WNT9B: variants seen among roughly 807,000 people sequenced by gnomAD.
WNT9B encodes the protein protein Wnt-9b.
In WNT9B, 12 loss-of-function variants were observed where a neutral mutation model predicts 30.2. The observed-to-expected ratio is 0.40, with a 90% CI of 0.26 to 0.64. The LOEUF (loss-of-function observed/expected upper bound fraction) is 0.64. Ranked by LOEUF, WNT9B falls within the 30% of genes least tolerant of loss-of-function variation. The pLI, the probability that WNT9B is intolerant of heterozygous loss-of-function variation, is 0.42. For missense variants in WNT9B, 442 were observed against 485.2 expected (o/e 0.91, Z 0.84); for synonymous variants, 218 against 216.9 (o/e 1.01, Z -0.05).
intron 3 of WNT9B, 82 bp downstream of exon 3, chr17:46,875,448 C>T: frequency 2.7e-6 from 4 of 1,456,294 alleles, no homozygotes; most frequent in Non-Finnish European, 3.6e-6. Context: ...GGCCAGCACC[C>T]CACTCCCCAA....
intron 1 of WNT9B, among the ~76,000 whole-genome samples, chr17:46,853,978 A>G (rs941539793): frequency 1.3e-5 from 2 of 151,734 alleles, no homozygotes; most frequent in African/African-American, 2.4e-5. Flanking sequence ...ATGACATGTG[A>G]GATGGTCAAA....
At chr17:46,845,194 G>A (rs986714927) in intron 1 of WNT9B, among the ~76,000 whole-genome samples, 1 of 152,144 alleles carries the variant, frequency 6.6e-6, no homozygotes, top group Non-Finnish European at 1.5e-5. Context: ...TGTCCTGTGT[G>A]GAATGCCTTT....
In WNT9B at chr17:46,851,616, G is replaced by A; in HGVS notation, c.-23G>A. The A allele has an allele frequency of 8.0e-7, 1 of 1,242,732 alleles. No homozygotes were observed. 77.0% of individuals were successfully genotyped at this position (1,242,732 alleles called of 1,614,324 possible). On this transcript the variant is annotated 5_prime_UTR_variant, in exon 1 of 4. Transcript: ENST00000290015. The surrounding 1 kb of genome is among the most constrained non-coding windows in gnomAD (Gnocchi z 4.3). ...GCTTGAGCGGCGCGAGGAGATGCTA[G>A]AGGGCGCAGCGCCGCCAGCACCATG... is the stretch of plus-strand genomic sequence containing the variant.
At chr17:46,874,460 G>C (rs2085309125) in intron 2 of WNT9B, among the ~76,000 whole-genome samples, 1 of 152,204 alleles carries the variant, frequency 6.6e-6, no homozygotes, top group African/African-American at 2.4e-5. Context: ...GCTTCTCTTT[G>C]CATCTCAGTG....
chr17:46,880,044 T>A lies in WNT9B; in HGVS notation c.*3326T>A, dbSNP rs577551381. Among the ~76,000 whole-genome samples the A allele has an allele frequency of 2.3e-4, 35 of 152,348 alleles. No homozygotes were observed. The highest frequency in any genetic ancestry group is 6.7e-4 in the African/African-American group (28 of 41,578). On this transcript the variant is annotated 3_prime_UTR_variant, in exon 4 of 4. Coordinates refer to ENST00000290015, the MANE Select transcript of WNT9B (RefSeq NM_003396.3). ...TAAAAATGAATTGTTTTCCACTGGA[T>A]TTCTGGCTGCTTTTGCAAAAGTCAG...
At chr17:46,844,305 CTTT>C (rs34889221) in intron 1 of WNT9B, among the ~76,000 whole-genome samples, 15 of 127,454 alleles carry the variant, frequency 1.2e-4, no homozygotes, top group African/African-American at 4.3e-4. Flanking sequence ...AGTTAGCCAC[CTTT>C]TTTTTTTTTT....
rs755827387 is a variant in WNT9B, at chr17:46,872,670, C to T, written c.231C>T (p.Thr77=). The T allele has an allele frequency of 5.6e-6, 9 of 1,613,694 alleles. No homozygotes were observed. In the South Asian group the frequency reaches 7.7e-5, roughly 14 times the overall value. The change falls in exon 2 of 4, where the codon ACC becomes ACT. Residue 77 remains threonine, a synonymous_variant. Coordinates refer to ENST00000290015, the MANE Select transcript of WNT9B (RefSeq NM_003396.3). The part of the protein sequence containing the change: ...LCRREPGLAE[T]LRDAAHLGLL... ...GGAGGGAGCCCGGCCTGGCTGAGACCCTGAGGGATGCTGCGCACCTCGGCC... is the reference window on the plus strand; with the variant it reads ...GGAGGGAGCCCGGCCTGGCTGAGACTCTGAGGGATGCTGCGCACCTCGGCC...
chr17:46,868,143 C>G (rs2085171385), intron 1 of WNT9B, among the ~76,000 whole-genome samples: 1 of 152,182 alleles, frequency 6.6e-6, no homozygotes, highest in Admixed American at 6.5e-5. Context: ...CCAGGAGGCT[C>G]AGGAGCACCT....
chr17:46,836,112 G>GTGTGTGTGTGTGTA (rs2084628441), intron 1 of WNT9B, among the ~76,000 whole-genome samples: 1 of 151,556 alleles, frequency 6.6e-6, no homozygotes, highest in African/African-American at 2.4e-5. Context: ...GTGTGTGTGT[G>GTGTGTGTGTGTGTA]TGTGTGTGTG....
intron 1 of WNT9B, among the ~76,000 whole-genome samples, chr17:46,871,885 C>T (rs113485665): frequency 1.1e-4 from 17 of 152,256 alleles, no homozygotes; most frequent in African/African-American, 3.9e-4. Flanking sequence ...TCTGTTTGTA[C>T]CAGGCACCAG....
At chr17:46,848,639 A>T (rs1317439550), upstream of WNT9B, among the ~76,000 whole-genome samples, 1 of 152,242 alleles carries the variant, frequency 6.6e-6, no homozygotes, top group Non-Finnish European at 1.5e-5. Context: ...TAGGAGGTAC[A>T]CGATGCTCTG....
chr17:46,867,446 A>G (rs1455924752), intron 1 of WNT9B, among the ~76,000 whole-genome samples: 1 of 152,196 alleles, frequency 6.6e-6, no homozygotes, highest in African/African-American at 2.4e-5. Context: ...TGAGGGGACA[A>G]CCCTGAGGTC....
At chr17:46,871,067 T>A (rs901964916) in intron 1 of WNT9B, among the ~76,000 whole-genome samples, 1 of 152,010 alleles carries the variant, frequency 6.6e-6, no homozygotes, top group African/African-American at 2.4e-5. Context: ...TGTGCCACCA[T>A]GCCCACATAA....
At chr17:46,872,911 C>A in intron 2 of WNT9B, 138 bp downstream of exon 2, 2 of 1,095,294 alleles carry the variant, frequency 1.8e-6, no homozygotes, top group Non-Finnish European at 1.2e-6. Context: ...AGCACGGTCC[C>A]AAATGAGAAG....
At chr17:46,854,836 TTTTA>T (rs1259689632) in intron 1 of WNT9B, among the ~76,000 whole-genome samples, 1 of 152,044 alleles carries the variant, frequency 6.6e-6, no homozygotes, top group Non-Finnish European at 1.5e-5. Context: ...ATTTTTGTAT[TTTTA>T]ATAGAGATGG....
intron 1 of WNT9B, among the ~76,000 whole-genome samples, chr17:46,853,244 G>A (rs1389446210): frequency 1.3e-5 from 2 of 151,366 alleles, no homozygotes; most frequent in Non-Finnish European, 2.9e-5. Flanking sequence ...CTGTCTCTCA[G>A]TCTCTCAATC....
rs1392281776 is a variant in WNT9B, at chr17:46,851,908, G to C, written c.77+193G>C. On this transcript the variant is annotated intron_variant, in intron 1 of 3. Transcript: ENST00000290015. The surrounding 1 kb of genome is among the most constrained non-coding windows in gnomAD (Gnocchi z 4.3). ...CTGAGTTCGGTCTCCAGCTTCCCCG[G>C]CTCCGAATCCATCGCCCTGTTCAGT... Among the ~76,000 whole-genome samples, 2 of 152,124 alleles carry C rather than the reference G, an allele frequency of 1.3e-5. No individual in the cohort carries two copies. Among genetic ancestry groups the C allele is most frequent in the Admixed American group, 6.5e-5 (1 of 15,280 alleles).
chr17:46,841,372 C>G (rs2084711057), intron 1 of WNT9B, among the ~76,000 whole-genome samples: 1 of 152,166 alleles, frequency 6.6e-6, no homozygotes, highest in Non-Finnish European at 1.5e-5. Flanking sequence ...TGTGAGGCTT[C>G]CCGGTGGGAA....
downstream of WNT9B, chr17:46,885,271 G>T (rs1242784774): frequency 3.4e-5 from 10 of 290,508 alleles, no homozygotes; most frequent in Non-Finnish European, 6.7e-5. Flanking sequence ...CTCCCAAAGT[G>T]CTGGGATTAC....
Sources: allele counts gnomAD v4.1 joint callset (sites outside exome capture counted in the v4.1 genomes callset), GRCh38; gene constraint gnomAD v4.1.1; non-coding constraint Gnocchi (gnomAD v3.1); transcripts MANE v1.5; gene names NCBI Gene and HGNC (gene_info 2026-07-23, HGNC 2026-07-21).